The following TMX2 variants were observed in gnomAD, a reference collection of about 807,000 sequenced individuals.
TMX2 encodes thioredoxin related transmembrane protein 2, also known as thioredoxin-related transmembrane protein 2.
TMX2 carries 20 observed loss-of-function variants against 33.4 expected under a neutral mutation model. The observed-to-expected ratio is 0.60, with a 90% confidence interval of 0.42 to 0.87. The LOEUF (loss-of-function observed/expected upper bound fraction) is 0.87. Among genes scored for constraint, TMX2 ranks in the 40% least tolerant of loss-of-function variants. The pLI is 0.00. For synonymous variants in TMX2, 166 were observed against 140.7 expected, an observed-to-expected ratio of 1.18 and a Z score of -1.27; for missense variants, 340 against 370.7, an observed-to-expected ratio of 0.92 and a Z score of 0.68.
chr11:57,736,616 G>A (rs747487113), intron 1 of TMX2, among the ~76,000 whole-genome samples: 2 of 152,066 alleles, frequency 1.3e-5, no homozygotes, highest in South Asian at 2.1e-4. Context: ...GGCCGGGCTC[G>A]GTGGCTCACA....
chr11:57,722,747 T>C (rs1565219160), intron 1 of TMX2, among the ~76,000 whole-genome samples: 1 of 151,708 alleles, frequency 6.6e-6, no homozygotes, highest in Non-Finnish European at 1.5e-5. Flanking sequence ...AACCCTCAAG[T>C]TTTTTTTTCC....
chr11:57,714,408 CTA>C (rs956919903), intron 1 of TMX2, among the ~76,000 whole-genome samples: 1 of 152,124 alleles, frequency 6.6e-6, no homozygotes, highest in Non-Finnish European at 1.5e-5. Context: ...CTGGTATAGT[CTA>C]TAAACTAGTT....
Position 57,738,373 on chromosome 11 carries a change from AC to A in TMX2, c.391del (p.Leu131TyrfsTer20). 4 of 1,609,560 alleles carry A rather than the reference AC, an allele frequency of 2.5e-6. No individual in the cohort carries two copies. Among genetic ancestry groups the A allele is most frequent in the Non-Finnish European group, 3.4e-6 (4 of 1,176,910 alleles). On this transcript the variant is annotated frameshift_variant, in exon 4 of 8. Coordinates refer to ENST00000278422, the MANE Select transcript of TMX2 (RefSeq NM_015959.4). LOFTEE classifies it high-confidence loss of function. The stretch of plus-strand genomic sequence containing the variant: ...ATTTAGTGTTCCTGATGACGTGCAA[AC>A]CCCCCCTATATATGGGCCCTGAGTA... ...LCIVFLMTCK[P>X]PLYMGPEYIK...
At chr11:57,716,803 C>T (rs1947119404) in intron 1 of TMX2, among the ~76,000 whole-genome samples, 1 of 149,918 alleles carries the variant, frequency 6.7e-6, no homozygotes, top group African/African-American at 2.5e-5. Flanking sequence ...AGAGGCGCCC[C>T]TCACCTCCCG....
chr11:57,731,937 C>T (rs139001312), intron 1 of TMX2, among the ~76,000 whole-genome samples: 10 of 152,172 alleles, frequency 6.6e-5, no homozygotes, highest in African/African-American at 2.2e-4. Context: ...GAAGATATAA[C>T]AAGAGAAAAA....
intron 1 of TMX2, among the ~76,000 whole-genome samples, chr11:57,723,135 CA>C (rs1947745808): frequency 6.6e-6 from 1 of 151,542 alleles, no homozygotes; most frequent in South Asian, 2.1e-4. Flanking sequence ...AATAAATAAA[CA>C]CACGGATGTC....
intron 1 of TMX2, among the ~76,000 whole-genome samples, chr11:57,717,429 A>G (rs1947201812): frequency 6.6e-6 from 1 of 151,672 alleles, no homozygotes; most frequent in Non-Finnish European, 1.5e-5. Context: ...CACTGAGTGA[A>G]CCAGACTCCG....
rs1949012590 is a variant in TMX2 at position 57,740,349 on chromosome 11, G to A, written c.*104G>A. ...TTATTTATGTTTTCCCTTTGGCTGT[G>A]ACTGGGTGGGGCAGCATGCAGCTTC... On this transcript the variant is annotated 3_prime_UTR_variant, in exon 8 of 8. Coordinates refer to ENST00000278422, the MANE Select transcript of TMX2 (RefSeq NM_015959.4). 7.4e-7 allele frequency: 1 copy of A among 1,343,088 alleles called. No homozygotes were observed. Among genetic ancestry groups the A allele is most frequent in the Non-Finnish European group, 9.9e-7 (1 of 1,013,678 alleles). 83.2% of individuals were successfully genotyped at this position (1,343,088 alleles called of 1,614,324 possible).
At chr11:57,732,891 C>G (rs1407900805) in intron 1 of TMX2, among the ~76,000 whole-genome samples, 3 of 152,122 alleles carry the variant, frequency 2.0e-5, no homozygotes, top group African/African-American at 2.4e-5. Context: ...GCCATATGGT[C>G]CTTGTGGGAG....
chr11:57,726,923 CTG>C (rs1358695840), intron 1 of TMX2, among the ~76,000 whole-genome samples: 2 of 152,134 alleles, frequency 1.3e-5, no homozygotes, highest in African/African-American at 4.8e-5. Flanking sequence ...TACAAACACA[CTG>C]TAAGTCTATT....
At position 57,735,597 on chromosome 11, in the gene TMX2, A is replaced by G. The variant is rs1343057167; in HGVS notation, c.190-2011A>G. Among the ~76,000 whole-genome samples, 4 of 152,308 alleles carry G rather than the reference A, an allele frequency of 2.6e-5. No homozygotes were observed. In the South Asian group the frequency reaches 8.3e-4, roughly 32 times the overall value. On this transcript the variant is annotated intron_variant, in intron 1 of 7. Coordinates refer to ENST00000278422, the MANE Select transcript of TMX2 (RefSeq NM_015959.4). ...CATAGCCTCCGCTCAGAAGCTAAAA[A>G]CAGACACTTGGAGTGAGGGGTAAAG...
chr11:57,736,095 A>T (rs1291421969), intron 1 of TMX2, among the ~76,000 whole-genome samples: 1 of 152,138 alleles, frequency 6.6e-6, no homozygotes, highest in African/African-American at 2.4e-5. Flanking sequence ...TATGGCCGAG[A>T]ACTCAGTTTT....
intron 7 of TMX2, among the ~76,000 whole-genome samples, chr11:57,739,804 A>T (rs1271892711): frequency 6.6e-6 from 1 of 152,090 alleles, no homozygotes; most frequent in Non-Finnish European, 1.5e-5. Context: ...TATTGTCTGT[A>T]GGTGTTAGGT....
At chr11:57,720,031 A>G (rs761332473) in intron 1 of TMX2, among the ~76,000 whole-genome samples, 1 of 151,622 alleles carries the variant, frequency 6.6e-6, no homozygotes, top group African/African-American at 2.4e-5. Context: ...GCTCACGCCT[A>G]TAATCCCAGC....
chr11:57,729,699 G>C (rs971749101), intron 1 of TMX2, among the ~76,000 whole-genome samples: 5 of 151,570 alleles, frequency 3.3e-5, no homozygotes, highest in African/African-American at 1.2e-4. Flanking sequence ...GTTGTTATGA[G>C]TCTATGCCAT....
intron 1 of TMX2, among the ~76,000 whole-genome samples, chr11:57,719,315 A>G (rs982259799): frequency 5.9e-5 from 9 of 151,510 alleles, no homozygotes; most frequent in Non-Finnish European, 1.3e-4. Context: ...GATTACAGGC[A>G]TGAGCTACCG....
intron 1 of TMX2, among the ~76,000 whole-genome samples, chr11:57,728,933 C>T (rs1447673668): frequency 1.3e-5 from 2 of 152,072 alleles, no homozygotes. Flanking sequence ...AGGAAACACA[C>T]ATGAGGGCTG....
chr11:57,718,401 C>T, intron 1 of TMX2: 2 of 1,417,878 alleles, frequency 1.4e-6, no homozygotes, highest in Non-Finnish European at 2.0e-6. Flanking sequence ...CAACCAAATC[C>T]TTTTTGTCCA....
chr11:57,735,687 CATGAATATTT>C (rs1343707257), intron 1 of TMX2, among the ~76,000 whole-genome samples: 1 of 152,184 alleles, frequency 6.6e-6, no homozygotes, highest in African/African-American at 2.4e-5. Flanking sequence ...TCGGCAGAGT[CATGAATATTT>C]ATGAAAGGAG....
Sources: gnomAD v4.1 joint callset for allele counts (sites outside exome capture counted in the v4.1 genomes callset) on GRCh38, gnomAD v4.1.1 for gene constraint, MANE v1.5 for transcripts, NCBI Gene and HGNC (gene_info 2026-07-23, HGNC 2026-07-21) for gene names.